GBE1: variants seen among roughly 807,000 people sequenced by gnomAD.
GBE1 encodes the protein 1,4-alpha-glucan branching enzyme 1, also known as 1,4-alpha-glucan-branching enzyme.
A neutral mutation model predicts 88.8 loss-of-function variants in GBE1; 70 were observed. The ratio of observed to expected loss-of-function variants is 0.79; its 90% confidence interval spans 0.65 to 0.96. The LOEUF (loss-of-function observed/expected upper bound fraction) is 0.96, where lower values mean the gene tolerates loss of function less well. GBE1 is among the 40% of genes least tolerant of loss of function. The pLI is 0.00. For synonymous variants in GBE1, 284 were observed against 300.1 expected, an observed-to-expected ratio of 0.95 and a Z score of 0.56; for missense variants, 872 against 871.0, an observed-to-expected ratio of 1.00 and a Z score of -0.01.
intron 1 of GBE1, chr3:81,743,448 C>T (rs1485929311): frequency 1.4e-6 from 1 of 727,590 alleles, no homozygotes; most frequent in Non-Finnish European, 2.4e-6. Flanking sequence ...ACATACACCC[C>T]CACAATATTA....
At chr3:81,709,725 C>G (rs976997964) in intron 1 of GBE1, among the ~76,000 whole-genome samples, 2 of 152,078 alleles carry the variant, frequency 1.3e-5, no homozygotes, top group African/African-American at 2.4e-5. Context: ...ATTACTTTAA[C>G]TAAGTATCTT....
chr3:81,709,727 A>G (rs1244209355), intron 1 of GBE1, among the ~76,000 whole-genome samples: 1 of 152,168 alleles, frequency 6.6e-6, no homozygotes, highest in Non-Finnish European at 1.5e-5. Context: ...TACTTTAACT[A>G]AGTATCTTGA....
At chr3:81,660,783 T>C (rs1705018113) in intron 3 of GBE1, among the ~76,000 whole-genome samples, 1 of 152,140 alleles carries the variant, frequency 6.6e-6, no homozygotes, top group African/African-American at 2.4e-5. Context: ...TTTTGACATT[T>C]AACAAAAACT....
intron 7 of GBE1, among the ~76,000 whole-genome samples, chr3:81,626,035 A>T (rs1226955984): frequency 6.6e-6 from 1 of 152,204 alleles, no homozygotes; most frequent in Non-Finnish European, 1.5e-5. Context: ...TTGTAAATAA[A>T]TAGTACTACA....
chr3:81,530,320 T>C (rs975934573), intron 14 of GBE1, among the ~76,000 whole-genome samples: 1 of 151,802 alleles, frequency 6.6e-6, no homozygotes, highest in African/African-American at 2.4e-5. Context: ...CACTCCAGGA[T>C]TGGTTACTGG....
chr3:81,555,878 T>G (rs895854460), intron 12 of GBE1, among the ~76,000 whole-genome samples: 1 of 152,192 alleles, frequency 6.6e-6, no homozygotes, highest in African/African-American at 2.4e-5. Context: ...CTAACGTCCC[T>G]TTATGGCTCC....
chr3:81,535,499 A>T (rs943932810), intron 13 of GBE1, among the ~76,000 whole-genome samples, 174 bp from the exon 14 acceptor site: 1 of 152,084 alleles, frequency 6.6e-6, no homozygotes, highest in Non-Finnish European at 1.5e-5. Context: ...AGCCAAGAAC[A>T]GTCTCAAAAA....
intron 14 of GBE1, among the ~76,000 whole-genome samples, 174 bp from the exon 15 acceptor site, chr3:81,499,401 T>C (rs1702556650): frequency 6.6e-6 from 1 of 152,312 alleles, no homozygotes; most frequent in South Asian, 2.1e-4. Context: ...ATAGGCTATC[T>C]ACTGCACACA....
chr3:81,513,745 C>T (rs931142783), intron 14 of GBE1, among the ~76,000 whole-genome samples: 29 of 150,938 alleles, frequency 1.9e-4, no homozygotes, highest in African/African-American at 6.1e-4. Flanking sequence ...TAAGCTCAAA[C>T]GTGGGCGACA....
intron 15 of GBE1, among the ~76,000 whole-genome samples, chr3:81,495,390 C>CA (rs1024210348): frequency 1.2e-4 from 18 of 151,812 alleles, no homozygotes; most frequent in African/African-American, 3.4e-4. Flanking sequence ...CTCCGTCTCA[C>CA]AAAAAACAAA....
At chr3:81,539,051 T>C (rs1425910038) in intron 12 of GBE1, among the ~76,000 whole-genome samples, 1 of 152,024 alleles carries the variant, frequency 6.6e-6, no homozygotes, top group Non-Finnish European at 1.5e-5. Flanking sequence ...GCACATGAAT[T>C]AACCCTATCT....
intron 14 of GBE1, 58 bp from the exon 15 acceptor site, chr3:81,499,285 C>G: frequency 9.9e-7 from 1 of 1,008,270 alleles, no homozygotes; most frequent in South Asian, 1.4e-5. Context: ...TTGTAAAATA[C>G]GTGCTGAGAG....
intron 10 of GBE1, among the ~76,000 whole-genome samples, chr3:81,585,726 T>C (rs1287359679): frequency 6.6e-6 from 1 of 152,026 alleles, no homozygotes; most frequent in African/African-American, 2.4e-5. Flanking sequence ...AATTAAGGAG[T>C]AACTTTTACA....
chr3:81,629,757 G>A (rs1165996567), intron 7 of GBE1, among the ~76,000 whole-genome samples: 4 of 151,946 alleles, frequency 2.6e-5, no homozygotes, highest in Non-Finnish European at 5.9e-5. Flanking sequence ...GGGTACATGT[G>A]CACAACATGC....
intron 7 of GBE1, among the ~76,000 whole-genome samples, chr3:81,623,215 T>C (rs1704356373): frequency 6.6e-6 from 1 of 152,170 alleles, no homozygotes; most frequent in South Asian, 2.1e-4. Flanking sequence ...CTCCCTCACT[T>C]ACCAATCTAC....
At chr3:81,678,942 T>C (rs893155815) in intron 2 of GBE1, among the ~76,000 whole-genome samples, 2 of 152,130 alleles carry the variant, frequency 1.3e-5, no homozygotes, top group African/African-American at 4.8e-5. Context: ...ACCAAAAACA[T>C]CTACTGATAG....
intron 1 of GBE1, among the ~76,000 whole-genome samples, chr3:81,732,668 T>C (rs1247013063): frequency 2.0e-5 from 3 of 152,164 alleles, no homozygotes; most frequent in Non-Finnish European, 4.4e-5. Flanking sequence ...CAAGTCACCA[T>C]CATCTCTCAT....
At chr3:81,499,777 A>G (rs955187025) in intron 14 of GBE1, among the ~76,000 whole-genome samples, 2 of 152,226 alleles carry the variant, frequency 1.3e-5, no homozygotes, top group African/African-American at 4.8e-5. Context: ...TTGCATCTGT[A>G]CTGAACATCT....
intron 14 of GBE1, among the ~76,000 whole-genome samples, chr3:81,524,470 T>C (rs1702917489): frequency 6.6e-6 from 1 of 151,942 alleles, no homozygotes; most frequent in African/African-American, 2.4e-5. Context: ...GTGCAGAAGC[T>C]TTTTAACTTG....
Sources: allele counts gnomAD v4.1 joint callset (sites outside exome capture counted in the v4.1 genomes callset), GRCh38; gene constraint gnomAD v4.1.1; transcripts MANE v1.5; gene names NCBI Gene and HGNC (gene_info 2026-07-23, HGNC 2026-07-21).